The following KYNU variants were observed in gnomAD, a reference collection of about 807,000 sequenced individuals.
KYNU encodes L-kynurenine hydrolase.
In KYNU, 54 loss-of-function variants were observed where a neutral mutation model predicts 59.2. That is an observed-to-expected ratio of 0.91 (90% confidence interval 0.73 to 1.14). KYNU has a LOEUF of 1.14. KYNU is among the 50% of genes most tolerant of loss of function. The pLI, the probability that KYNU is intolerant of heterozygous loss-of-function variation, is 0.00. For synonymous variants in KYNU, 177 were observed against 192.0 expected, an observed-to-expected ratio of 0.92 and a Z score of 0.65; for missense variants, 567 against 554.4, an observed-to-expected ratio of 1.02 and a Z score of -0.23.
chr2:142,891,934 A>G (rs1290126245), intron 2 of KYNU, among the ~76,000 whole-genome samples: 1 of 149,334 alleles, frequency 6.7e-6, no homozygotes, highest in Non-Finnish European at 1.5e-5. Context: ...TTTTTTTTAG[A>G]TGGGGTCTCA....
intron 10 of KYNU, among the ~76,000 whole-genome samples, chr2:142,987,741 T>C (rs969405872): frequency 1.3e-5 from 2 of 151,922 alleles, no homozygotes; most frequent in East Asian, 3.9e-4. Context: ...ACATTTAATA[T>C]GGTTTGGATT....
At chr2:142,921,327 G>A (rs1185535323) in intron 3 of KYNU, among the ~76,000 whole-genome samples, 4 of 152,210 alleles carry the variant, frequency 2.6e-5, no homozygotes, top group African/African-American at 9.7e-5. Flanking sequence ...ATCTACCTCT[G>A]AGGATGGGTC....
At position 142,908,969 on chromosome 2, in the gene KYNU, A is replaced by G. The variant is rs189283655; in HGVS notation, c.170-9640A>G. On this transcript the variant is annotated intron_variant, in intron 2 of 13. Transcript: ENST00000264170. ...ATTTTCTAATTATATAATTCAAAAA[A>G]TTGTTTCAGGAATATTATTCTAACC... 2.6e-5 allele frequency among the ~76,000 whole-genome samples: 4 copies of G among 152,286 alleles called. No homozygotes were observed. The East Asian group carries it at 7.7e-4, about 29-fold the overall frequency.
intron 11 of KYNU, among the ~76,000 whole-genome samples, chr2:143,032,562 A>C (rs1170225049): frequency 6.6e-6 from 1 of 152,232 alleles, no homozygotes; most frequent in Non-Finnish European, 1.5e-5. Flanking sequence ...AGTCAGTCAT[A>C]GTGTTAACTT....
At chr2:142,930,386 T>C (rs1683171342) in intron 4 of KYNU, among the ~76,000 whole-genome samples, 1 of 152,206 alleles carries the variant, frequency 6.6e-6, no homozygotes, top group Non-Finnish European at 1.5e-5. Flanking sequence ...TTTCAGGAGA[T>C]GACTAGAGGA....
chr2:143,002,034 G>T (rs1685720571), intron 10 of KYNU, among the ~76,000 whole-genome samples: 1 of 152,088 alleles, frequency 6.6e-6, no homozygotes, highest in African/African-American at 2.4e-5. Context: ...TTCCATACAG[G>T]GGTAATAGAT....
intron 4 of KYNU, chr2:142,947,329 T>A (rs985323345): frequency 1.8e-6 from 2 of 1,125,430 alleles, no homozygotes; most frequent in African/African-American, 3.1e-5. Flanking sequence ...TTCCATTTTT[T>A]CTATTGCAGA....
intron 8 of KYNU, among the ~76,000 whole-genome samples, chr2:142,968,485 A>G (rs1225114287): frequency 6.6e-6 from 1 of 152,194 alleles, no homozygotes; most frequent in Non-Finnish European, 1.5e-5. Context: ...AGCCATTGAA[A>G]GGTTTTAGCC....
At chr2:142,950,195 CTT>C (rs1328689645) in intron 4 of KYNU, among the ~76,000 whole-genome samples, 1 of 152,248 alleles carries the variant, frequency 6.6e-6, no homozygotes, top group African/African-American at 2.4e-5. Flanking sequence ...AAGTTCCAAA[CTT>C]TCCCACATTT....
chr2:143,003,452 G>A (rs962126215), intron 10 of KYNU, among the ~76,000 whole-genome samples: 4 of 152,066 alleles, frequency 2.6e-5, no homozygotes, highest in East Asian at 3.9e-4. Flanking sequence ...GTGTGGTGGC[G>A]GGCACCTATA....
chr2:142,957,860 G>T, intron 7 of KYNU, 145 bp downstream of exon 7: 1 of 624,472 alleles, frequency 1.6e-6, no homozygotes. Context: ...GTTACTATTA[G>T]ATCATTTTGC....
intron 1 of KYNU, among the ~76,000 whole-genome samples, chr2:142,884,746 A>T (rs1270979462): frequency 2.2e-4 from 23 of 102,466 alleles, no homozygotes; most frequent in Non-Finnish European, 5.4e-5. Flanking sequence ...TTGCTCTGTT[A>T]CCCAGGCTGG....
chr2:142,889,440 G>T (rs545013026), intron 2 of KYNU, among the ~76,000 whole-genome samples: 1 of 152,126 alleles, frequency 6.6e-6, no homozygotes, highest in Non-Finnish European at 1.5e-5. Flanking sequence ...AGGTCAGTGC[G>T]TGAGCTTTCT....
chr2:143,042,251 T>C lies in KYNU; in HGVS notation c.*79T>C. 2 of 1,352,680 alleles carry C rather than the reference T, an allele frequency of 1.5e-6. No homozygotes were observed. The highest frequency in any genetic ancestry group is 1.0e-6 in the Non-Finnish European group (1 of 958,734). 83.8% of individuals were successfully genotyped at this position (1,352,680 alleles called of 1,614,324 possible). A position where few individuals can be genotyped will look rare whatever the true frequency, so the allele number is the denominator to read the frequency against. ...TTCAGTATTATTCGATTTTTAATTATTGAAAGTATGTCACCATTGACCACA... is the reference window on the plus strand; with the variant it reads ...TTCAGTATTATTCGATTTTTAATTACTGAAAGTATGTCACCATTGACCACA... On this transcript the variant is annotated 3_prime_UTR_variant, in exon 14 of 14. Transcript: ENST00000264170.
chr2:143,037,027 T>A (rs564850550), intron 12 of KYNU, among the ~76,000 whole-genome samples: 15 of 152,348 alleles, frequency 9.8e-5, no homozygotes, highest in South Asian at 6.2e-4. Context: ...TGGCTTTTTT[T>A]AATAAATACA....
intron 8 of KYNU, among the ~76,000 whole-genome samples, chr2:142,972,813 T>TATATATATAGAG (rs1478067181): frequency 6.4e-5 from 8 of 124,226 alleles, no homozygotes; most frequent in South Asian, 2.9e-4. Flanking sequence ...TATATATATA[T>TATATATATAGAG]AGAGAGAGAG....
chr2:142,931,136 C>T (rs1683198085), intron 4 of KYNU, among the ~76,000 whole-genome samples: 1 of 152,234 alleles, frequency 6.6e-6, no homozygotes, highest in Non-Finnish European at 1.5e-5. Context: ...TGATATCTTG[C>T]TGGCGCACGC....
chr2:142,933,842 C>T (rs1039661462), intron 4 of KYNU, among the ~76,000 whole-genome samples: 17 of 152,086 alleles, frequency 1.1e-4, no homozygotes, highest in African/African-American at 4.1e-4. Flanking sequence ...AGGTAGTATG[C>T]ACCAGGTGAG....
At chr2:142,940,779 A>G (rs1683569506) in intron 4 of KYNU, among the ~76,000 whole-genome samples, 1 of 152,226 alleles carries the variant, frequency 6.6e-6, no homozygotes, top group Admixed American at 6.5e-5. Context: ...ATGCCAGTCA[A>G]AAATCCTAGA....
Sources: allele counts gnomAD v4.1 joint callset (sites outside exome capture counted in the v4.1 genomes callset), GRCh38; gene constraint gnomAD v4.1.1; transcripts MANE v1.5; gene names NCBI Gene and HGNC (gene_info 2026-07-23, HGNC 2026-07-21).